Variants in ZNF821 observed in about 807,000 individuals in gnomAD.
The protein encoded by ZNF821 is zinc finger protein 821.
A neutral mutation model predicts 44.3 loss-of-function variants in ZNF821; 16 were observed. The ratio of observed to expected loss-of-function variants is 0.36; its 90% CI spans 0.24 to 0.55. The LOEUF (loss-of-function observed/expected upper bound fraction) is 0.55, where lower values mean the gene tolerates loss of function less well. Ranked by LOEUF, ZNF821 falls within the 20% of genes least tolerant of loss-of-function variation. The probability of loss-of-function intolerance (pLI) is 0.86; values close to 1 mark genes in which losing one functional copy is unlikely to be tolerated. For missense variants in ZNF821, 436 were observed against 547.6 expected (o/e 0.80, Z 2.03); for synonymous variants, 204 against 197.6 (o/e 1.03, Z -0.27).
In ZNF821 at chr16:71,860,692, G is replaced by C. The variant is rs1199272166; in HGVS notation, c.585-20C>G. On this transcript the variant is annotated intron_variant, in intron 7 of 7. Transcript: ENST00000425432. The surrounding 1 kb of genome is among the most constrained non-coding windows in gnomAD (Gnocchi z 7.3). ...TTCTCACTGGAAAGGAAACATTTTGGATGGTTAGTGTTTCCTTCTAGCAAG... is the reference window on the plus strand; with the variant it reads ...TTCTCACTGGAAAGGAAACATTTTGCATGGTTAGTGTTTCCTTCTAGCAAG... 1.2e-6 allele frequency: 2 copies of C among 1,604,664 alleles called. No homozygotes were observed. Among genetic ancestry groups the C allele is most frequent in the Non-Finnish European group, 1.7e-6 (2 of 1,176,528 alleles).
At chr16:71,895,225 G>C (rs771453368) in exon 1 of ZNF821, 2 of 173,324 alleles carry the variant, frequency 1.2e-5, no homozygotes, top group Non-Finnish European at 2.5e-5. Flanking sequence ...TGAGGCCGTG[G>C]GCGCAGAGTC....
At chr16:71,862,030 C>T in intron 6 of ZNF821, 88 bp from the exon 7 acceptor site, 1 of 1,469,506 alleles carries the variant, frequency 6.8e-7, no homozygotes, top group Middle Eastern at 1.8e-4. Flanking sequence ...GAAATGTCCC[C>T]TTTCTTTAGT....
At chr16:71,895,027 T>C (rs1442985912) in exon 1 of ZNF821, 4 of 519,730 alleles carry the variant, frequency 7.7e-6, no homozygotes, top group Admixed American at 6.9e-5. Flanking sequence ...TTAGAGCCCG[T>C]AGAGGGACAC....
At chr16:71,873,950 G>A (rs1226382450) in intron 3 of ZNF821, among the ~76,000 whole-genome samples, 1 of 142,712 alleles carries the variant, frequency 7.0e-6, no homozygotes, top group Admixed American at 7.5e-5. Context: ...ACCACGCCCG[G>A]CTGGAATTTT....
intron 3 of ZNF821, among the ~76,000 whole-genome samples, chr16:71,875,530 T>C (rs1490356862): frequency 6.6e-6 from 1 of 151,434 alleles, no homozygotes; most frequent in Non-Finnish European, 1.5e-5. Flanking sequence ...CTCGGCTCAC[T>C]GCAAGCTCCA....
At position 71,868,014 on chromosome 16, in the gene ZNF821, C is replaced by G; in HGVS notation, c.64G>C (p.Glu22Gln). The G allele has an allele frequency of 6.5e-7, 1 of 1,535,770 alleles. No homozygotes were observed. The highest frequency in any genetic ancestry group is 8.7e-7 in the Non-Finnish European group (1 of 1,146,762). ...VHWDQVFAGL[E>Q]EQARQAMMKT... ...ATCATCGCCTGGCGGGCTTGCTCTT[C>G]TAGCCCAGCAAATACTTGATCCCCT... The change falls in exon 4 of 8, where the codon GAA becomes CAA. Residue 22 changes from glutamate (E) to glutamine (Q), a missense_variant. Glu to Gln is a conservative substitution (Grantham distance 29). This residue lies in a region of ZNF821 where 238 missense variants were observed against 281.4 expected (regional missense o/e 0.85). Transcript: ENST00000425432.
upstream of ZNF821, among the ~76,000 whole-genome samples, chr16:71,886,718 G>A (rs1158413347): frequency 1.3e-5 from 2 of 152,108 alleles, no homozygotes; most frequent in Non-Finnish European, 2.9e-5. Context: ...CAATTCAGTG[G>A]GTTTTGGTAC....
chr16:71,880,872 C>G (rs2036347734), intron 2 of ZNF821, among the ~76,000 whole-genome samples: 1 of 152,242 alleles, frequency 6.6e-6, no homozygotes, highest in South Asian at 2.1e-4. Context: ...AAAATGCTGC[C>G]AAGACATGCA....
chr16:71,880,949 AAG>A (rs1234373396), intron 2 of ZNF821, among the ~76,000 whole-genome samples: 1 of 152,204 alleles, frequency 6.6e-6, no homozygotes, highest in African/African-American at 2.4e-5. Context: ...TAACTACAGA[AAG>A]AGTGCCCCAG....
intron 3 of ZNF821, among the ~76,000 whole-genome samples, chr16:71,868,965 C>G: frequency 6.6e-6 from 1 of 152,170 alleles, no homozygotes. Context: ...CCTGGCCAGT[C>G]CAGTTTTTTT....
At chr16:71,874,554 A>G (rs1374593617) in intron 3 of ZNF821, among the ~76,000 whole-genome samples, 1 of 151,972 alleles carries the variant, frequency 6.6e-6, no homozygotes, top group Admixed American at 6.6e-5. Flanking sequence ...CCTGGGTTCA[A>G]GCAATCCTCC....
chr16:71,892,754 CAG>C (rs1052359858), intron 1 of ZNF821, among the ~76,000 whole-genome samples: 4 of 131,516 alleles, frequency 3.0e-5, no homozygotes, highest in African/African-American at 9.2e-5. Flanking sequence ...TTTTTTGAGA[CAG>C]AGTCTTGCTC....
intron 3 of ZNF821, among the ~76,000 whole-genome samples, chr16:71,868,574 T>A (rs774497995): frequency 2.4e-4 from 36 of 152,218 alleles, no homozygotes; most frequent in Middle Eastern, 3.2e-3. Flanking sequence ...TGGAAGTTCT[T>A]CCTTGACTTT....
rs867246674 is a variant in ZNF821, at chr16:71,859,836, T to C, written c.*182A>G. 3.7e-5 allele frequency: 26 copies of C among 705,354 alleles called. No homozygotes were observed. The African/African-American group carries it at 3.8e-4, about 10-fold the overall frequency. The allele number at this position is 705,354 out of a possible 1,614,324, so 43.7% of individuals were successfully genotyped here. A position where few individuals can be genotyped will look rare whatever the true frequency, so the allele number is the denominator to read the frequency against. On this transcript the variant is annotated 3_prime_UTR_variant, in exon 8 of 8. Transcript: ENST00000425432. ...CCAGAGCTGCCTTGAGCCAGGTCCC[T>C]CCTGACCCCATCATCCTGTTCCCAT...
At chr16:71,867,861 ATAAT>A in intron 4 of ZNF821, 47 bp downstream of exon 4, 1 of 1,528,346 alleles carries the variant, frequency 6.5e-7, no homozygotes, top group South Asian at 1.2e-5. Context: ...ACACACTCTG[ATAAT>A]TCTTCTCCCA....
intron 3 of ZNF821, among the ~76,000 whole-genome samples, chr16:71,878,646 T>C (rs979062627): frequency 3.9e-5 from 6 of 152,014 alleles, no homozygotes; most frequent in African/African-American, 1.4e-4. Flanking sequence ...AAATAAAATA[T>C]GCAACAGGTG....
upstream of ZNF821, among the ~76,000 whole-genome samples, chr16:71,889,693 A>C (rs1179517166): frequency 6.6e-6 from 1 of 152,066 alleles, no homozygotes; most frequent in African/African-American, 2.4e-5. Context: ...AACAAAAAAC[A>C]AAACAACAAC....
chr16:71,868,357 T>A (rs894473332), intron 3 of ZNF821, among the ~76,000 whole-genome samples: 1 of 152,156 alleles, frequency 6.6e-6, no homozygotes, highest in Non-Finnish European at 1.5e-5. Context: ...TCCATCAGGA[T>A]TGGGAAGATA....
intron 1 of ZNF821, among the ~76,000 whole-genome samples, chr16:71,893,088 G>A (rs2036900255): frequency 7.4e-6 from 1 of 135,182 alleles, no homozygotes; most frequent in Admixed American, 8.2e-5. Flanking sequence ...GGAGTGCAGC[G>A]GCGCCATCTC....
Sources: gnomAD v4.1 joint callset for allele counts (sites outside exome capture counted in the v4.1 genomes callset) on GRCh38, gnomAD v4.1.1 for gene constraint, gnomAD v4.1.1 regional missense constraint, Gnocchi (gnomAD v3.1) non-coding constraint, MANE v1.5 for transcripts, NCBI Gene and HGNC (gene_info 2026-07-23, HGNC 2026-07-21) for gene names.